GGCX: variants seen among roughly 807,000 people sequenced by gnomAD.
The protein encoded by GGCX is gamma-glutamyl carboxylase.
A neutral mutation model predicts 88.5 loss-of-function variants in GGCX; 63 were observed. The ratio of observed to expected loss-of-function variants is 0.71; its 90% CI spans 0.58 to 0.88. The LOEUF (loss-of-function observed/expected upper bound fraction) is 0.88. Among genes scored for constraint, GGCX ranks in the 40% least tolerant of loss-of-function variants. The pLI is 0.00. For missense variants in GGCX, 805 were observed against 932.9 expected (o/e 0.86, Z 1.79); for synonymous variants, 368 against 365.8 (o/e 1.01, Z -0.07).
Position 85,545,866 on chromosome 2 carries a change from A to G in GGCX, c.*4068T>C, listed in dbSNP as rs746006060. ...TGAGAAGTTCTGAAACGTGATTTCT[A>G]GTCAATATCTTGCAGAGATAAATAA... On this transcript the variant is annotated 3_prime_UTR_variant, in exon 15 of 15. Transcript: ENST00000233838. 3.3e-5 allele frequency: 5 copies of G among 152,252 alleles called. No homozygotes were observed. The highest frequency in any genetic ancestry group is 7.3e-5 in the Non-Finnish European group (5 of 68,044). 9.4% of individuals were successfully genotyped at this position (152,252 alleles called of 1,614,324 possible). A position where few individuals can be genotyped will look rare whatever the true frequency, so the allele number is the denominator to read the frequency against.
Position 85,549,884 on chromosome 2 carries a change from T to A in GGCX, c.*50A>T, listed in dbSNP as rs767950242. The A allele has an allele frequency of 5.7e-5, 68 of 1,183,486 alleles. No homozygotes were observed. In the Admixed American group the frequency reaches 1.1e-3, roughly 20 times the overall value. 73.3% of individuals were successfully genotyped at this position (1,183,486 alleles called of 1,614,324 possible). ...TCAAATAAATGTCCATTGCATAGAA[T>A]GGGTCTGTGACTGGCTGCTTCTACA... On this transcript the variant is annotated 3_prime_UTR_variant, in exon 15 of 15. Transcript: ENST00000233838.
rs1691998387 is a variant in GGCX, at chr2:85,552,325, TAAGC to T, written c.1439+87_1439+90del. On this transcript the variant is annotated intron_variant, in intron 10 of 14. Transcript: ENST00000233838. ...ATGCACTAGAGGAAGGACAGCTTTT[TAAGC>T]AAGACAATACCAGGAAGCAAGGGCT... 9.3e-6 allele frequency: 12 copies of T among 1,294,464 alleles called. No homozygotes were observed. The South Asian group carries it at 1.3e-4, about 14-fold the overall frequency. 80.2% of individuals were successfully genotyped at this position (1,294,464 alleles called of 1,614,324 possible). A position where few individuals can be genotyped will look rare whatever the true frequency, so the allele number is the denominator to read the frequency against.
At chr2:85,558,040 A>C (rs1012770875) in intron 4 of GGCX, among the ~76,000 whole-genome samples, 4 of 152,140 alleles carry the variant, frequency 2.6e-5, no homozygotes, top group Non-Finnish European at 4.4e-5. Context: ...TCTGCCTCAC[A>C]GCAACTTCTA....
At chr2:85,557,656 C>CAGCACTT (rs1301576795) in intron 4 of GGCX, among the ~76,000 whole-genome samples, 2 of 152,204 alleles carry the variant, frequency 1.3e-5, no homozygotes, top group African/African-American at 4.8e-5. Flanking sequence ...CCTGTAATCC[C>CAGCACTT]AGCACTTTGG....
At chr2:85,550,231 C>T (rs1178874038) in intron 14 of GGCX, 105 bp from the exon 15 acceptor site, 1 of 810,484 alleles carries the variant, frequency 1.2e-6, no homozygotes, top group East Asian at 2.6e-5. Flanking sequence ...CCCACACAGG[C>T]ATATATGGGA....
intron 9 of GGCX, among the ~76,000 whole-genome samples, 167 bp from the exon 10 acceptor site, chr2:85,552,734 A>G (rs1219962171): frequency 1.3e-5 from 2 of 152,198 alleles, no homozygotes; most frequent in African/African-American, 2.4e-5. Context: ...AGTGGTGCTT[A>G]CTTTTCCTGA....
rs201724124 is a variant in GGCX at position 85,553,609 on chromosome 2, C to CT, written c.890-113dup. 8.7e-3 allele frequency: 7,929 copies of CT among 911,186 alleles called. 1 individual carries two copies. The highest frequency in any genetic ancestry group is 0.018 in the East Asian group (616 of 34,496). The allele number at this position is 911,186 out of a possible 1,614,324, so 56.4% of individuals were successfully genotyped here. A position where few individuals can be genotyped will look rare whatever the true frequency, so the allele number is the denominator to read the frequency against. ...TCCACTGAAAAGGAAAGTAGTTCTT[C>CT]TTTTTTTTTTGAGACAGTCTTTCTC... On this transcript the variant is annotated intron_variant, in intron 7 of 14. Transcript: ENST00000233838.
At chr2:85,556,789 C>T (rs973389606) in intron 4 of GGCX, among the ~76,000 whole-genome samples, 2 of 152,166 alleles carry the variant, frequency 1.3e-5, no homozygotes, top group African/African-American at 4.8e-5. Context: ...CAGATGTACT[C>T]TGGGGAAGCA....
Position 85,549,826 on chromosome 2 carries a change from CAAA to C in GGCX, c.*105_*107del, listed in dbSNP as rs59419074. ...AAACAGCTTTAGAACCCCGCCCCCCCAAAAAAAAAAAAAAAACTTTTGAGAATT... is the reference window on the plus strand; with the variant it reads ...AAACAGCTTTAGAACCCCGCCCCCCCAAAAAAAAAAAAACTTTTGAGAATT... On this transcript the variant is annotated 3_prime_UTR_variant, in exon 15 of 15. Coordinates refer to ENST00000233838, the MANE Select transcript of GGCX (RefSeq NM_000821.7). 120 of 474,066 alleles carry C rather than the reference CAAA, an allele frequency of 2.5e-4. No individual in the cohort carries two copies. The highest frequency in any genetic ancestry group is 6.0e-4 in the Middle Eastern group (1 of 1,660). 29.4% of individuals were successfully genotyped at this position (474,066 alleles called of 1,614,324 possible).
Position 85,547,507 on chromosome 2 carries a change from C to A in GGCX, c.*2427G>T, listed in dbSNP as rs1691736286. 1 of 152,206 alleles carries A rather than the reference C, an allele frequency of 6.6e-6. No homozygotes were observed. The highest frequency in any genetic ancestry group is 1.5e-5 in the Non-Finnish European group (1 of 68,022). 9.4% of individuals were successfully genotyped at this position (152,206 alleles called of 1,614,324 possible). ...CTAACAGTTTGGGGAAGGGCAGCATCCTTGCCCATATTTAGAAAAATACTT... is the reference window on the plus strand; with the variant it reads ...CTAACAGTTTGGGGAAGGGCAGCATACTTGCCCATATTTAGAAAAATACTT... On this transcript the variant is annotated 3_prime_UTR_variant, in exon 15 of 15. Transcript: ENST00000233838.
At chr2:85,556,133 G>C (rs558116014) in intron 5 of GGCX, 49 bp downstream of exon 5, 1 of 1,137,098 alleles carries the variant, frequency 8.8e-7, no homozygotes, top group Non-Finnish European at 1.3e-6. Context: ...TGGCCATGCT[G>C]ACCACATGGC....
chr2:85,553,135 G>T, intron 8 of GGCX, 65 bp from the exon 9 acceptor site: 1 of 1,612,714 alleles, frequency 6.2e-7, no homozygotes, highest in Non-Finnish European at 8.5e-7. Flanking sequence ...CCCCTACCAA[G>T]AAGGGGCTGC....
chr2:85,550,848 G>GA, intron 13 of GGCX, 77 bp downstream of exon 13: 2 of 1,587,502 alleles, frequency 1.3e-6, no homozygotes, highest in Non-Finnish European at 1.7e-6. Context: ...GTTCATTCTT[G>GA]AATGGCTAGA....
intron 13 of GGCX, 67 bp from the exon 14 acceptor site, chr2:85,550,817 T>G: frequency 6.3e-7 from 1 of 1,585,466 alleles, no homozygotes; most frequent in Non-Finnish European, 8.7e-7. Flanking sequence ...GAACTCCTCT[T>G]CTGCCAGCTA....
At chr2:85,558,871 C>T in intron 3 of GGCX, 46 bp downstream of exon 3, 2 of 1,559,372 alleles carry the variant, frequency 1.3e-6, no homozygotes, top group East Asian at 2.2e-5. Flanking sequence ...GCTTCTATTT[C>T]TGTGTTTCTG....
At chr2:85,552,706 A>G in intron 9 of GGCX, 139 bp from the exon 10 acceptor site, 1 of 1,028,188 alleles carries the variant, frequency 9.7e-7, no homozygotes, top group Non-Finnish European at 1.5e-6. Flanking sequence ...TTGGGAATGA[A>G]TTTTTCATTG....
Position 85,553,478 on chromosome 2 carries a change from C to T in GGCX, c.909G>A (p.Met303Ile). Residue 303 changes from methionine to isoleucine, a missense_variant, in exon 8 of 15, where the codon ATG becomes ATA. Coordinates refer to ENST00000233838, the MANE Select transcript of GGCX (RefSeq NM_000821.7). ...LFSIGMFSYV[M>I]LASSPLFCSP... ...AGCAGAAGAGAGGGCTGCTGGCCAG[C>T]ATGACGTAGGAGAACATACCTAGGA... 1 of 1,613,800 alleles carries T rather than the reference C, an allele frequency of 6.2e-7. No homozygotes were observed. Among genetic ancestry groups the T allele is most frequent in the Non-Finnish European group, 8.5e-7 (1 of 1,180,022 alleles).
rs767176094 is a variant in GGCX at position 85,561,473 on chromosome 2, C to T, written c.-45G>A. The stretch of plus-strand genomic sequence containing the variant: ...GTGGGTCACAGCTGCCGCGTCTGAA[C>T]GGAGGCCGCCAGGAGAATTTGCTTC... On this transcript the variant is annotated 5_prime_UTR_variant, in exon 1 of 15. Transcript: ENST00000233838. 2 of 1,447,992 alleles carry T rather than the reference C, an allele frequency of 1.4e-6. No homozygotes were observed. The highest frequency in any genetic ancestry group is 1.9e-6 in the Non-Finnish European group (2 of 1,053,972). The allele number at this position is 1,447,992 out of a possible 1,614,324, so 89.7% of individuals were successfully genotyped here. A position where few individuals can be genotyped will look rare whatever the true frequency, so the allele number is the denominator to read the frequency against.
intron 3 of GGCX, 44 bp downstream of exon 3, chr2:85,558,873 G>C: frequency 6.4e-7 from 1 of 1,564,416 alleles, no homozygotes. Flanking sequence ...TTCTATTTCT[G>C]TGTTTCTGGC....
Sources: allele counts gnomAD v4.1 joint callset (sites outside exome capture counted in the v4.1 genomes callset), GRCh38; gene constraint gnomAD v4.1.1; transcripts MANE v1.5; gene names NCBI Gene and HGNC (gene_info 2026-07-23, HGNC 2026-07-21).